Variants in NUP107 observed in about 807,000 individuals in gnomAD.
The protein encoded by NUP107 is nucleoporin 107.
A neutral mutation model predicts 141.0 loss-of-function variants in NUP107; 101 were observed. That is an observed-to-expected ratio of 0.72 (90% CI 0.61 to 0.84). The LOEUF (loss-of-function observed/expected upper bound fraction) is 0.84, where lower values mean the gene tolerates loss of function less well. Among genes scored for constraint, NUP107 ranks in the 40% least tolerant of loss-of-function variants. The pLI is 0.00. For missense variants in NUP107, 941 were observed against 1,102.7 expected (o/e 0.85, Z 2.08); for synonymous variants, 319 against 363.9 (o/e 0.88, Z 1.41).
At chr12:68,706,678 A>G in intron 8 of NUP107, 1 of 735,578 alleles carries the variant, frequency 1.4e-6, no homozygotes, top group South Asian at 1.4e-5. Context: ...AAGGATGCCA[A>G]CACCAAGCTG....
chr12:68,727,521 C>A, intron 20 of NUP107, 132 bp downstream of exon 20: 1 of 540,734 alleles, frequency 1.8e-6, no homozygotes, highest in Non-Finnish European at 3.4e-6. Context: ...ATTATCAGCA[C>A]AGTTGACCTT....
chr12:68,689,788 C>CCTG, intron 3 of NUP107, 169 bp downstream of exon 3: 2 of 553,500 alleles, frequency 3.6e-6, no homozygotes, highest in Non-Finnish European at 6.3e-6. Context: ...AGGTACTGTA[C>CCTG]TTTCCATAAA....
chr12:68,715,608 C>CT lies in NUP107; in HGVS notation c.970-11dup, dbSNP rs754469269. ...ACAAAGGATTTATGGTTGATGATGA[C>CT]TTTTTTTTCTTCTTACAGGACCCTG... On this transcript the variant is annotated intron_variant, in intron 11 of 27. Transcript: ENST00000229179. 1.2e-4 allele frequency: 171 copies of CT among 1,426,976 alleles called. No individual in the cohort carries two copies. In the South Asian group the frequency reaches 1.6e-3, roughly 13 times the overall value. The allele number at this position is 1,426,976 out of a possible 1,614,324, so 88.4% of individuals were successfully genotyped here.
At chr12:68,689,269 GCTT>G (rs1875659650) in intron 2 of NUP107, among the ~76,000 whole-genome samples, 1 of 152,136 alleles carries the variant, frequency 6.6e-6, no homozygotes, top group Admixed American at 6.5e-5. Context: ...ACTGCTGACA[GCTT>G]CTGCTGAGAT....
intron 1 of NUP107, chr12:68,687,305 G>C (rs1371040360): frequency 1.5e-6 from 1 of 677,946 alleles, no homozygotes; most frequent in Non-Finnish European, 2.3e-6. Flanking sequence ...TACGTTCTGC[G>C]ATCTATTCGG....
chr12:68,717,825 A>G (rs1337850493), intron 12 of NUP107, among the ~76,000 whole-genome samples: 1 of 152,192 alleles, frequency 6.6e-6, no homozygotes, highest in Non-Finnish European at 1.5e-5. Context: ...TTTTTAAGAT[A>G]CCATATCAAA....
chr12:68,696,915 G>C lies in NUP107; in HGVS notation c.545G>C (p.Gly182Ala). ...GTGGAAGAGTATGAAAACATCTGTG[G>C]TAGTCAGGTAAGCTAATTTCACTCC... Reference protein sequence around the residue: ...DLVEEYENICGSQVNILSKIV... With the variant: ...DLVEEYENICASQVNILSKIV... The change falls in exon 6 of 28, where the codon GGT becomes GCT. Residue 182 changes from glycine (G) to alanine (A), a missense_variant. By Grantham distance (60) the Gly-to-Ala change is moderately conservative (BLOSUM62 0). Transcript: ENST00000229179. 6.3e-7 allele frequency: 1 copy of C among 1,589,666 alleles called. No homozygotes were observed. Among genetic ancestry groups the C allele is most frequent in the Non-Finnish European group, 8.6e-7 (1 of 1,162,730 alleles).
At chr12:68,714,739 G>A (rs1456604130) in intron 11 of NUP107, among the ~76,000 whole-genome samples, 2 of 152,146 alleles carry the variant, frequency 1.3e-5, no homozygotes, top group Non-Finnish European at 2.9e-5. Flanking sequence ...ATGCTTAGAA[G>A]CACATGGAAA....
intron 17 of NUP107, among the ~76,000 whole-genome samples, chr12:68,723,896 A>G (rs1426024939): frequency 2.6e-5 from 4 of 152,132 alleles, no homozygotes; most frequent in Admixed American, 6.5e-5. Context: ...TTATTATTAT[A>G]TAGGAGCACT....
chr12:68,730,935 C>A (rs1877795475), intron 20 of NUP107, among the ~76,000 whole-genome samples, 175 bp from the exon 21 acceptor site: 2 of 152,050 alleles, frequency 1.3e-5, no homozygotes, highest in African/African-American at 4.8e-5. Context: ...GCCACTGTAC[C>A]CTAACCTGGG....
intron 10 of NUP107, among the ~76,000 whole-genome samples, chr12:68,713,335 A>G (rs1463429622): frequency 1.3e-5 from 2 of 150,194 alleles, no homozygotes; most frequent in Admixed American, 1.3e-4. Flanking sequence ...TGATTGTGCC[A>G]CTGCACTTTA....
chr12:68,732,872 G>A, intron 23 of NUP107, 133 bp downstream of exon 23: 1 of 513,738 alleles, frequency 1.9e-6, no homozygotes. Context: ...TTCTAGAGAT[G>A]GGGTCTCACT....
intron 17 of NUP107, among the ~76,000 whole-genome samples, chr12:68,724,641 G>A (rs191403115): frequency 6.6e-6 from 1 of 152,130 alleles, no homozygotes; most frequent in Non-Finnish European, 1.5e-5. Context: ...TTAGCCGGGT[G>A]TGGTGGCATG....
chr12:68,717,936 A>C (rs1007346803), intron 12 of NUP107, among the ~76,000 whole-genome samples: 9 of 152,216 alleles, frequency 5.9e-5, no homozygotes, highest in African/African-American at 2.2e-4. Flanking sequence ...AGTTGTATCA[A>C]TCAGGCTTTC....
At position 68,689,610 on chromosome 12, in the gene NUP107, C is replaced by T; in HGVS notation, c.178C>T (p.Arg60Ter). Residue 60 changes from arginine (R) to a stop codon, truncating the protein, a stop_gained, in exon 3 of 28, where the codon CGA (arginine) becomes TGA (stop). Transcript: ENST00000229179. LOFTEE classifies it high-confidence loss of function. ...TATCCCTCGAACTCCTAGCTCATTT[C>T]GACAGCCTTGTAAGATTTTTTGCTT... ...QVIPRTPSSF[R>*]QPFTPTSRSL... 1 of 1,607,256 alleles carries T rather than the reference C, an allele frequency of 6.2e-7. No homozygotes were observed. Among genetic ancestry groups the T allele is most frequent in the Non-Finnish European group, 8.5e-7 (1 of 1,176,852 alleles).
At chr12:68,741,745 C>G (rs887123471) in intron 26 of NUP107, 68 bp from the exon 27 acceptor site, 9 of 1,461,166 alleles carry the variant, frequency 6.2e-6, no homozygotes, top group South Asian at 5.1e-5. Context: ...GATTCAGTAC[C>G]TGGCTTTTCT....
chr12:68,721,858 C>T lies in NUP107; in HGVS notation c.1329C>T (p.Asp443=), dbSNP rs1877363882. The T allele has an allele frequency of 1.2e-6, 2 of 1,613,486 alleles. No individual in the cohort carries two copies. Among genetic ancestry groups the T allele is most frequent in the South Asian group, 1.1e-5 (1 of 90,938 alleles). Residue 443 remains aspartate, a synonymous_variant, in exon 16 of 28, where the codon GAC becomes GAT. Coordinates refer to ENST00000229179, the MANE Select transcript of NUP107 (RefSeq NM_020401.4). ...GNLKQLLPVC[D]TWEDTVWAYF... is the part of the protein sequence containing the mutation. ...GGAAAAAGCTGCTTCCTGTCTGTGACACCTGGGAAGACACAGTTTGGGCCT... is the reference window on the plus strand; with the variant it reads ...GGAAAAAGCTGCTTCCTGTCTGTGATACCTGGGAAGACACAGTTTGGGCCT...
chr12:68,727,062 C>T lies in NUP107; in HGVS notation c.1696-289C>T, dbSNP rs35516269. On this transcript the variant is annotated intron_variant, in intron 19 of 27. Transcript: ENST00000229179. ...GGAGTAGGAGTCCTGAGTATATACC[C>T]TTATTCAGCAGCTTCTATCTGTGTA... 0.03 allele frequency among the ~76,000 whole-genome samples: 4,611 copies of T among 152,208 alleles called. 92 individuals carry two copies. Among genetic ancestry groups the T allele is most frequent in the African/African-American group, 0.046 (1,927 of 41,526 alleles).
At chr12:68,726,989 G>A (rs1243980660) in intron 19 of NUP107, among the ~76,000 whole-genome samples, 1 of 152,208 alleles carries the variant, frequency 6.6e-6, no homozygotes. Context: ...ATTTTGGTCA[G>A]AGTGCATGTA....
Sources: gnomAD v4.1 joint callset for allele counts (sites outside exome capture counted in the v4.1 genomes callset) on GRCh38, gnomAD v4.1.1 for gene constraint, MANE v1.5 for transcripts, NCBI Gene and HGNC (gene_info 2026-07-23, HGNC 2026-07-21) for gene names.